Variants in BRK1 observed in about 807,000 individuals in gnomAD.
BRK1 encodes the protein BRICK1 subunit of SCAR/WAVE actin nucleating complex.
In BRK1, 6 loss-of-function variants were observed where a neutral mutation model predicts 9.9. That is an observed-to-expected ratio of 0.60 (90% CI 0.33 to 1.19). The LOEUF is 1.19. Ranked by LOEUF, BRK1 falls within the 50% of genes most tolerant of loss-of-function variation. BRK1 has a pLI of 0.04. For synonymous variants in BRK1, 44 were observed against 31.9 expected, an observed-to-expected ratio of 1.38 and a Z score of -1.28; for missense variants, 62 against 97.5, an observed-to-expected ratio of 0.64 and a Z score of 1.53.
intron 1 of BRK1, among the ~76,000 whole-genome samples, chr3:10,122,408 C>A (rs1219326930): frequency 6.6e-6 from 1 of 152,006 alleles, no homozygotes; most frequent in Non-Finnish European, 1.5e-5. Context: ...GAATAACTTA[C>A]AAATTAGAAA....
At chr3:10,126,217 C>G (rs777647053) in intron 2 of BRK1, 52 bp from the exon 3 acceptor site, 1 of 1,349,864 alleles carries the variant, frequency 7.4e-7, no homozygotes, top group South Asian at 1.5e-5. Context: ...TTTTTAGACC[C>G]CTCTAATCTT....
At chr3:10,119,290 C>T (rs941640893) in intron 1 of BRK1, among the ~76,000 whole-genome samples, 24 of 152,090 alleles carry the variant, frequency 1.6e-4, no homozygotes, top group Admixed American at 2.0e-4. Context: ...AACCCCATCT[C>T]TATAAAAAAT....
In BRK1 at chr3:10,116,745, C is replaced by G. The variant is rs180700955; in HGVS notation, c.118+926C>G. Among the ~76,000 whole-genome samples the G allele has an allele frequency of 1.9e-4, 29 of 152,278 alleles. No individual in the cohort carries two copies. In the East Asian group the frequency reaches 5.2e-3, roughly 27 times the overall value. On this transcript the variant is annotated intron_variant, in intron 1 of 2. Transcript: ENST00000530758. ...GATGGCCTTAGGAGTACAAAGGTGACAGAGCAAGAGATTGTCAGAAAGCAT... is the reference window on the plus strand; with the variant it reads ...GATGGCCTTAGGAGTACAAAGGTGAGAGAGCAAGAGATTGTCAGAAAGCAT...
At chr3:10,119,904 G>A (rs1324036842) in intron 1 of BRK1, among the ~76,000 whole-genome samples, 2 of 152,068 alleles carry the variant, frequency 1.3e-5, no homozygotes, top group Non-Finnish European at 2.9e-5. Flanking sequence ...TAGCATGCCT[G>A]GTGTGTGTCA....
At chr3:10,120,964 T>G (rs1300449726) in intron 1 of BRK1, among the ~76,000 whole-genome samples, 1 of 152,204 alleles carries the variant, frequency 6.6e-6, no homozygotes, top group Non-Finnish European at 1.5e-5. Flanking sequence ...TAACGTGCTT[T>G]CAGACTTCCA....
Position 10,118,448 on chromosome 3 carries a change from C to T in BRK1, c.118+2629C>T, listed in dbSNP as rs73117481. ...CCATTAGTAGGCTTGTACAATTGTC[C>T]CTTGAACAATACATGTTTGAAGTGC... On this transcript the variant is annotated intron_variant, in intron 1 of 2. Transcript: ENST00000530758. 0.16 allele frequency among the ~76,000 whole-genome samples: 24,810 copies of T among 151,726 alleles called. 2,567 individuals are homozygous for T. The highest frequency in any genetic ancestry group is 0.29 in the African/African-American group (12,029 of 41,310).
chr3:10,116,434 G>A (rs1254860964), intron 1 of BRK1, among the ~76,000 whole-genome samples: 5 of 152,068 alleles, frequency 3.3e-5, no homozygotes, highest in Non-Finnish European at 7.3e-5. Flanking sequence ...ATAGCTTATG[G>A]TAGGTGTTCT....
intron 1 of BRK1, among the ~76,000 whole-genome samples, chr3:10,117,921 A>T (rs766303549): frequency 3.3e-5 from 5 of 152,178 alleles, no homozygotes; most frequent in African/African-American, 4.8e-5. Context: ...TGCAGGATTA[A>T]CAGTCAAAGG....
chr3:10,122,434 G>A (rs934653008), intron 1 of BRK1, among the ~76,000 whole-genome samples: 3 of 152,096 alleles, frequency 2.0e-5, no homozygotes, highest in Non-Finnish European at 2.9e-5. Context: ...AGGCTGGCAC[G>A]GTGCCTCACG....
intron 1 of BRK1, among the ~76,000 whole-genome samples, chr3:10,117,505 T>C (rs994221036): frequency 2.0e-5 from 3 of 150,850 alleles, no homozygotes; most frequent in Non-Finnish European, 4.4e-5. Flanking sequence ...ATGATTCTCA[T>C]GCCCCCGCCT....
intron 1 of BRK1, 101 bp downstream of exon 1, chr3:10,115,920 G>A: frequency 1.1e-6 from 1 of 913,636 alleles, no homozygotes; most frequent in East Asian, 2.6e-5. Context: ...GCAGCCTTCG[G>A]CTGTTGCGGG....
At chr3:10,124,412 A>G (rs1695807864) in intron 1 of BRK1, among the ~76,000 whole-genome samples, 1 of 151,896 alleles carries the variant, frequency 6.6e-6, no homozygotes, top group African/African-American at 2.4e-5. Context: ...GTGAGCCAAG[A>G]TTGCGTCACT....
At chr3:10,119,061 C>T (rs1455942612) in intron 1 of BRK1, among the ~76,000 whole-genome samples, 1 of 148,760 alleles carries the variant, frequency 6.7e-6, no homozygotes, top group Non-Finnish European at 1.5e-5. Context: ...GCCTGGAGTG[C>T]AGTGGTGCGA....
At chr3:10,115,923 G>C (rs1175321707) in intron 1 of BRK1, 104 bp downstream of exon 1, 2 of 904,032 alleles carry the variant, frequency 2.2e-6, no homozygotes, top group South Asian at 2.9e-5. Context: ...GCCTTCGGCT[G>C]TTGCGGGTTT....
rs869148224 is a variant in BRK1, at chr3:10,123,438, C to CTTTTTTT, written c.119-2179_119-2173dup. 6.6e-3 allele frequency among the ~76,000 whole-genome samples: 895 copies of CTTTTTTT among 135,972 alleles called. 25 individuals are homozygous for CTTTTTTT. Among genetic ancestry groups the CTTTTTTT allele is most frequent in the South Asian group, 0.038 (165 of 4,292 alleles). 89.2% of individuals were successfully genotyped at this position (135,972 alleles called of 152,430 possible). On this transcript the variant is annotated intron_variant, in intron 1 of 2. Transcript: ENST00000530758. ...GCTTTCTTGGCCTCTACTTTCTTTC[C>CTTTTTTT]TTTTTTTTTTTTTTTGAGACGGAGT... is the stretch of plus-strand genomic sequence containing the variant.
chr3:10,124,670 T>C (rs1243730729), intron 1 of BRK1, among the ~76,000 whole-genome samples: 2 of 151,986 alleles, frequency 1.3e-5, no homozygotes, highest in African/African-American at 4.8e-5. Context: ...AATCAGGGTT[T>C]CAGCAGGACT....
intron 1 of BRK1, among the ~76,000 whole-genome samples, chr3:10,122,272 C>G (rs2125118064): frequency 6.6e-6 from 1 of 152,188 alleles, no homozygotes; most frequent in South Asian, 2.1e-4. Context: ...TACGCTATAT[C>G]AAACCATTCC....
At chr3:10,115,927 CG>C (rs148884975) in intron 1 of BRK1, 108 bp downstream of exon 1, 1 of 836,262 alleles carries the variant, frequency 1.2e-6, no homozygotes, top group Non-Finnish European at 2.0e-6. Flanking sequence ...TCGGCTGTTG[CG>C]GGTTTTCACT....
At chr3:10,122,724 TA>T (rs971769718) in intron 1 of BRK1, among the ~76,000 whole-genome samples, 206 of 148,258 alleles carry the variant, frequency 1.4e-3, no homozygotes, top group South Asian at 8.9e-3. Context: ...ATGTCTCTTT[TA>T]AAAAAAAAAA....
Sources: gnomAD v4.1 joint callset for allele counts (sites outside exome capture counted in the v4.1 genomes callset) on GRCh38, gnomAD v4.1.1 for gene constraint, MANE v1.5 for transcripts, NCBI Gene and HGNC (gene_info 2026-07-23, HGNC 2026-07-21) for gene names.